RSPO2: variants seen among roughly 807,000 people sequenced by gnomAD.
RSPO2 encodes R-spondin-2.
Under a neutral mutation model 30.9 loss-of-function variants are expected in RSPO2, and 14 were observed. The ratio of observed to expected loss-of-function variants is 0.45; its 90% CI spans 0.30 to 0.71. The LOEUF (loss-of-function observed/expected upper bound fraction) is 0.71. Ranked by LOEUF, RSPO2 falls within the 30% of genes least tolerant of loss-of-function variation. The pLI is 0.08. For missense variants in RSPO2, 264 were observed against 301.9 expected, an observed-to-expected ratio of 0.87 and a Z score of 0.93; for synonymous variants, 107 against 96.4, an observed-to-expected ratio of 1.11 and a Z score of -0.64.
chr8:107,988,061 T>C (rs1814710187), intron 3 of RSPO2, among the ~76,000 whole-genome samples: 1 of 152,172 alleles, frequency 6.6e-6, no homozygotes, highest in South Asian at 2.1e-4. Context: ...AAGAAAGGGA[T>C]GTTCCTTTGG....
intron 2 of RSPO2, among the ~76,000 whole-genome samples, chr8:108,060,409 C>T (rs540045206): frequency 1.3e-5 from 2 of 151,502 alleles, no homozygotes; most frequent in South Asian, 2.1e-4. Flanking sequence ...GTAGCCAATT[C>T]GATCAACTGG....
intron 2 of RSPO2, among the ~76,000 whole-genome samples, chr8:108,012,992 T>A (rs914017125): frequency 1.3e-5 from 2 of 152,204 alleles, no homozygotes; most frequent in African/African-American, 4.8e-5. Flanking sequence ...TGTCCAGGTT[T>A]CTGATGATGA....
chr8:108,067,068 T>C (rs1445501544), intron 2 of RSPO2, among the ~76,000 whole-genome samples: 1 of 152,172 alleles, frequency 6.6e-6, no homozygotes, highest in Non-Finnish European at 1.5e-5. Context: ...GGAGAACACA[T>C]GGAAAGATGT....
chr8:108,022,577 G>T (rs1378783439), intron 2 of RSPO2, among the ~76,000 whole-genome samples: 1 of 152,062 alleles, frequency 6.6e-6, no homozygotes, highest in African/African-American at 2.4e-5. Context: ...ATTTTGCTCT[G>T]TATTTACATA....
chr8:107,985,103 T>C (rs747922330), intron 3 of RSPO2, among the ~76,000 whole-genome samples: 1 of 152,150 alleles, frequency 6.6e-6, no homozygotes, highest in Non-Finnish European at 1.5e-5. Context: ...CAAATATGTG[T>C]TCAGCTTCAT....
At chr8:107,933,339 C>T (rs1315699533) in intron 5 of RSPO2, among the ~76,000 whole-genome samples, 1 of 152,134 alleles carries the variant, frequency 6.6e-6, no homozygotes, top group East Asian at 1.9e-4. Flanking sequence ...TGAAAAGTAA[C>T]TGGCCAAAAG....
chr8:107,930,078 A>T (rs1013071301), intron 5 of RSPO2, among the ~76,000 whole-genome samples: 7 of 152,214 alleles, frequency 4.6e-5, no homozygotes, highest in Non-Finnish European at 7.3e-5. Context: ...CATTATCAAC[A>T]TCATTGCTAA....
intron 2 of RSPO2, among the ~76,000 whole-genome samples, chr8:108,049,363 T>C (rs954621142): frequency 1.6e-4 from 25 of 152,236 alleles, no homozygotes; most frequent in African/African-American, 5.5e-4. Flanking sequence ...GACTTTTTTT[T>C]CTTTTTTTAA....
At chr8:108,068,098 T>A (rs1165846084) in intron 2 of RSPO2, among the ~76,000 whole-genome samples, 1 of 151,902 alleles carries the variant, frequency 6.6e-6, no homozygotes, top group Non-Finnish European at 1.5e-5. Context: ...ACAGCTAAAC[T>A]GAATGTTCAG....
chr8:107,913,476 A>G (rs1313511706), intron 5 of RSPO2, among the ~76,000 whole-genome samples: 2 of 152,156 alleles, frequency 1.3e-5, no homozygotes, highest in Non-Finnish European at 2.9e-5. Context: ...GTCTCTATCC[A>G]CAAGACCAGA....
At chr8:108,038,512 A>G (rs923965020) in intron 2 of RSPO2, among the ~76,000 whole-genome samples, 3 of 152,218 alleles carry the variant, frequency 2.0e-5, no homozygotes, top group African/African-American at 7.2e-5. Context: ...CTCCGATTCT[A>G]AAAGAAATGC....
chr8:108,007,116 C>A (rs1815477203), intron 2 of RSPO2, among the ~76,000 whole-genome samples: 1 of 152,004 alleles, frequency 6.6e-6, no homozygotes, highest in South Asian at 2.1e-4. Context: ...TTTTTCCCAC[C>A]TATCTTTAGA....
rs1586688327 is a variant in RSPO2 at position 108,082,796 on chromosome 8, T to G, written c.-158A>C. ...GTCAGTTCAGCGCGATCAGCATCTC[T>G]CCGCCACGAACCTGAGAGACAAGAA... On this transcript the variant is annotated 5_prime_UTR_variant, in exon 2 of 6. Transcript: ENST00000276659. 6.9e-6 allele frequency: 4 copies of G among 581,848 alleles called. No individual in the cohort carries two copies. Among genetic ancestry groups the G allele is most frequent in the South Asian group, 4.5e-5 (2 of 44,932 alleles). 36.0% of individuals were successfully genotyped at this position (581,848 alleles called of 1,614,324 possible).
chr8:107,926,556 T>C (rs1812378520), intron 5 of RSPO2, among the ~76,000 whole-genome samples: 1 of 152,202 alleles, frequency 6.6e-6, no homozygotes, highest in Admixed American at 6.5e-5. Flanking sequence ...AAGTCTTTAA[T>C]CCATCTTAAC....
rs193066361 is a variant in RSPO2 at position 108,027,605 on chromosome 8, T to C, written c.95-38361A>G. Among the ~76,000 whole-genome samples, 795 of 152,338 alleles carry C rather than the reference T, an allele frequency of 5.2e-3. 14 individuals are homozygous for C. The highest frequency in any genetic ancestry group is 5.8e-3 in the Non-Finnish European group (395 of 68,032). On this transcript the variant is annotated intron_variant, in intron 2 of 5. Coordinates refer to ENST00000276659, the MANE Select transcript of RSPO2 (RefSeq NM_178565.5). ...TTAAAAAAGTTCAATTATAGAACTATTCATTCCAAGCCAACAGTATCCATT... is the reference window on the plus strand; with the variant it reads ...TTAAAAAAGTTCAATTATAGAACTACTCATTCCAAGCCAACAGTATCCATT...
chr8:108,072,492 ATTTT>A (rs71308776), intron 2 of RSPO2, among the ~76,000 whole-genome samples: 1,686 of 122,630 alleles, frequency 0.014, 40 homozygotes, highest in African/African-American at 0.05. Context: ...AGCCCGGCTA[ATTTT>A]TTTTTTTTTT....
intron 5 of RSPO2, among the ~76,000 whole-genome samples, chr8:107,912,289 T>C (rs1248004638): frequency 2.0e-5 from 3 of 152,180 alleles, no homozygotes; most frequent in Admixed American, 6.5e-5. Context: ...GTAAGCTTCA[T>C]AGATGACTTA....
chr8:108,050,561 A>T (rs1229618864), intron 2 of RSPO2, among the ~76,000 whole-genome samples: 5 of 152,022 alleles, frequency 3.3e-5, no homozygotes, highest in South Asian at 2.1e-4. Context: ...TTTCCAGTTT[A>T]AAAAAAAGAA....
intron 3 of RSPO2, among the ~76,000 whole-genome samples, chr8:107,969,007 A>G (rs1813909702): frequency 6.6e-6 from 1 of 152,148 alleles, no homozygotes. Flanking sequence ...GGGTACCTAC[A>G]TGGAAAATCA....
Sources: allele counts gnomAD v4.1 joint callset (sites outside exome capture counted in the v4.1 genomes callset), GRCh38; gene constraint gnomAD v4.1.1; transcripts MANE v1.5; gene names NCBI Gene and HGNC (gene_info 2026-07-23, HGNC 2026-07-21).